PTPRD: variants seen among roughly 807,000 people sequenced by gnomAD.
The protein encoded by PTPRD is protein tyrosine phosphatase receptor type D, also known as receptor-type tyrosine-protein phosphatase delta.
In PTPRD, 34 loss-of-function variants were observed where a neutral mutation model predicts 214.5. The ratio of observed to expected loss-of-function variants is 0.16; its 90% CI spans 0.12 to 0.21. The LOEUF (loss-of-function observed/expected upper bound fraction) is 0.21, where lower values mean the gene tolerates loss of function less well. Ranked by LOEUF, PTPRD falls within the 10% of genes least tolerant of loss-of-function variation. PTPRD has a pLI of 1.00. For missense variants in PTPRD, 2,545 were observed against 2,398.7 expected (o/e 1.06, Z -1.27); for synonymous variants, 1,128 against 845.7 (o/e 1.33, Z -5.79).
rs138519414 is a variant in PTPRD, at chr9:8,523,386, C to G, written c.691+127G>C. 33 of 1,133,858 alleles carry G rather than the reference C, an allele frequency of 2.9e-5. No individual in the cohort carries two copies. The African/African-American group carries it at 3.7e-4, about 13-fold the overall frequency. 70.2% of individuals were successfully genotyped at this position (1,133,858 alleles called of 1,614,324 possible). Reference sequence around the variant, plus strand: ...CACCAGAAGCCATGGCCAGGGCATTCTCTGCTAAAACATACCATTAACCAA... The same window carrying G: ...CACCAGAAGCCATGGCCAGGGCATTGTCTGCTAAAACATACCATTAACCAA... On this transcript the variant is annotated intron_variant, in intron 19 of 45. Coordinates refer to ENST00000381196, the MANE Select transcript of PTPRD (RefSeq NM_002839.4).
chr9:8,681,701 T>C (rs751525918), intron 12 of PTPRD, among the ~76,000 whole-genome samples: 9 of 152,208 alleles, frequency 5.9e-5, no homozygotes, highest in Non-Finnish European at 5.9e-5. Context: ...TTTGTAGAGA[T>C]ACCCCACTGC....
chr9:8,689,786 G>A (rs762981151), intron 12 of PTPRD, among the ~76,000 whole-genome samples: 3 of 152,142 alleles, frequency 2.0e-5, no homozygotes, highest in Non-Finnish European at 4.4e-5. Context: ...CACTTTGAGT[G>A]AAGAGGGAAT....
chr9:8,636,329 G>T (rs907988077), intron 13 of PTPRD, among the ~76,000 whole-genome samples: 64 of 152,238 alleles, frequency 4.2e-4, no homozygotes, highest in African/African-American at 1.4e-3. Context: ...TTGTCTCAGG[G>T]ATGCACAAGT....
intron 35 of PTPRD, among the ~76,000 whole-genome samples, chr9:8,424,511 G>C (rs1326430806): frequency 1.3e-5 from 2 of 152,158 alleles, no homozygotes; most frequent in Non-Finnish European, 2.9e-5. Context: ...AGAATGTCTG[G>C]CACATGGTAA....
intron 2 of PTPRD, among the ~76,000 whole-genome samples, chr9:10,538,688 T>C (rs962132330): frequency 1.3e-5 from 2 of 152,160 alleles, no homozygotes; most frequent in Non-Finnish European, 2.9e-5. Context: ...TTCTTTCAAG[T>C]TGTTAATCCT....
intron 3 of PTPRD, among the ~76,000 whole-genome samples, chr9:10,167,121 C>T (rs1160284108): frequency 6.1e-5 from 9 of 147,016 alleles, no homozygotes; most frequent in African/African-American, 1.7e-4. Flanking sequence ...AAAAGTAGAC[C>T]TTTTTTTTTT....
intron 9 of PTPRD, among the ~76,000 whole-genome samples, chr9:9,359,311 G>A (rs1312945304): frequency 6.6e-6 from 1 of 151,198 alleles, no homozygotes; most frequent in Middle Eastern, 3.2e-3. Context: ...AGCTATTTAT[G>A]ATTTTTCTAA....
At chr9:9,657,842 C>G (rs1281435024) in intron 7 of PTPRD, among the ~76,000 whole-genome samples, 1 of 152,102 alleles carries the variant, frequency 6.6e-6, no homozygotes, top group African/African-American at 2.4e-5. Flanking sequence ...CACAAATGGA[C>G]AAAACCTCCA....
chr9:9,036,311 G>T (rs1475918720), intron 10 of PTPRD, among the ~76,000 whole-genome samples: 1 of 150,922 alleles, frequency 6.6e-6, no homozygotes, highest in African/African-American at 2.4e-5. Context: ...AGTAGAGGAA[G>T]AATTTAAGAC....
chr9:9,355,145 C>T (rs1383838051), intron 9 of PTPRD, among the ~76,000 whole-genome samples: 1 of 151,654 alleles, frequency 6.6e-6, no homozygotes, highest in Non-Finnish European at 1.5e-5. Context: ...TTACTATCAC[C>T]ACAATCCAGG....
At chr9:9,616,464 A>G (rs970497742) in intron 7 of PTPRD, among the ~76,000 whole-genome samples, 32 of 152,114 alleles carry the variant, frequency 2.1e-4, no homozygotes, top group South Asian at 6.2e-4. Flanking sequence ...CAAATACATA[A>G]AGTTGTTCAA....
intron 11 of PTPRD, among the ~76,000 whole-genome samples, chr9:8,843,293 G>C (rs2097602529): frequency 6.6e-6 from 1 of 152,190 alleles, no homozygotes; most frequent in Admixed American, 6.5e-5. Context: ...CACAGAATCT[G>C]TTATCAATTC....
At chr9:8,767,227 C>A (rs888485955) in intron 11 of PTPRD, among the ~76,000 whole-genome samples, 1 of 152,094 alleles carries the variant, frequency 6.6e-6, no homozygotes, top group Admixed American at 6.5e-5. Context: ...GAGTGATTCT[C>A]CTGCCTCAGC....
intron 12 of PTPRD, among the ~76,000 whole-genome samples, chr9:8,657,740 G>C (rs1596258712): frequency 1.3e-5 from 2 of 152,172 alleles, no homozygotes; most frequent in East Asian, 3.9e-4. Context: ...ACTAAGGAAA[G>C]CATACATTTT....
intron 4 of PTPRD, among the ~76,000 whole-genome samples, chr9:10,031,028 T>G (rs148480105): frequency 6.6e-6 from 1 of 152,262 alleles, no homozygotes; most frequent in African/African-American, 2.4e-5. Context: ...AGAGCAAAAT[T>G]GATTAATCTA....
intron 5 of PTPRD, among the ~76,000 whole-genome samples, chr9:9,853,244 T>G (rs1052615669): frequency 6.6e-6 from 1 of 152,234 alleles, no homozygotes; most frequent in Non-Finnish European, 1.5e-5. Flanking sequence ...ATAGGAGCTA[T>G]AGACAACATG....
At chr9:9,643,115 C>A (rs370565113) in intron 7 of PTPRD, among the ~76,000 whole-genome samples, 159 of 152,224 alleles carry the variant, frequency 1.0e-3, no homozygotes, top group African/African-American at 3.8e-3. Flanking sequence ...ATGAATGCAG[C>A]TAAGAAATTT....
intron 10 of PTPRD, among the ~76,000 whole-genome samples, chr9:9,034,285 A>AT (rs780812426): frequency 2.0e-5 from 3 of 152,022 alleles, no homozygotes; most frequent in Non-Finnish European, 4.4e-5. Flanking sequence ...CCAGGTTGGG[A>AT]TTTTCCAATT....
At chr9:10,534,199 A>G (rs2057184375) in intron 2 of PTPRD, among the ~76,000 whole-genome samples, 1 of 151,928 alleles carries the variant, frequency 6.6e-6, no homozygotes, top group African/African-American at 2.4e-5. Context: ...CTCTCTCCAT[A>G]TCTTTTAAAC....
Sources: gnomAD v4.1 joint callset for allele counts (sites outside exome capture counted in the v4.1 genomes callset) on GRCh38, gnomAD v4.1.1 for gene constraint, MANE v1.5 for transcripts, NCBI Gene and HGNC (gene_info 2026-07-23, HGNC 2026-07-21) for gene names.